Variants in EPM2A observed in about 807,000 individuals in gnomAD.
EPM2A encodes the protein EPM2A glucan phosphatase, laforin.
Under a neutral mutation model 26.5 loss-of-function variants are expected in EPM2A, and 21 were observed. The observed-to-expected ratio is 0.79, with a 90% CI of 0.56 to 1.14. The LOEUF (loss-of-function observed/expected upper bound fraction) is 1.14. Among genes scored for constraint, EPM2A ranks in the 50% most tolerant of loss-of-function variants. EPM2A has a pLI of 0.00. For synonymous variants in EPM2A, 217 were observed against 177.6 expected (o/e 1.22, Z -1.76); for missense variants, 458 against 440.8 (o/e 1.04, Z -0.35).
chr6:145,660,720 T>G (rs1778636790), intron 2 of EPM2A, among the ~76,000 whole-genome samples: 1 of 152,126 alleles, frequency 6.6e-6, no homozygotes, highest in Admixed American at 6.5e-5. Flanking sequence ...GAGAATCGCT[T>G]GAACCCAGGA....
chr6:145,421,232 T>C (rs1778777199), intron 4 of EPM2A, among the ~76,000 whole-genome samples: 1 of 152,140 alleles, frequency 6.6e-6, no homozygotes, highest in African/African-American at 2.4e-5. Flanking sequence ...AAATAGACAG[T>C]GAAGGACTAA....
chr6:145,692,599 G>A (rs1781344951), intron 1 of EPM2A, among the ~76,000 whole-genome samples: 1 of 152,004 alleles, frequency 6.6e-6, no homozygotes, highest in Admixed American at 6.6e-5. Context: ...TTTTGTATAT[G>A]GTATATGGAA....
chr6:145,725,685 A>AT (rs1036106933), intron 1 of EPM2A, among the ~76,000 whole-genome samples: 1 of 152,090 alleles, frequency 6.6e-6, no homozygotes, highest in African/African-American at 2.4e-5. Flanking sequence ...ACACTGTACG[A>AT]TTCTAATTAT....
chr6:145,580,946 C>G (rs979266923), intron 2 of EPM2A, among the ~76,000 whole-genome samples: 2 of 152,074 alleles, frequency 1.3e-5, no homozygotes, highest in African/African-American at 4.8e-5. Flanking sequence ...GATTCCATGT[C>G]TTTGCTTTTT....
chr6:145,627,480 G>A lies in EPM2A; in HGVS notation c.932C>T (p.Ala311Val). Reference protein sequence around the residue: ...PAVYIDEEALARAQEDFFQKF... With the variant: ...PAVYIDEEALVRAQEDFFQKF... The stretch of plus-strand genomic sequence containing the variant: ...CTGGAAAAAATCTTCTTGTGCCCGG[G>A]CCAAGGCCTCTTCGTCAATGTAGAC... Residue 311 changes from alanine to valine, a missense_variant, in exon 4 of 4, where the codon GCC (alanine) becomes GTC (valine). Coordinates refer to ENST00000367519, the MANE Select transcript of EPM2A (RefSeq NM_005670.4). The A allele has an allele frequency of 1.2e-6, 2 of 1,614,256 alleles. No homozygotes were observed. The highest frequency in any genetic ancestry group is 1.7e-6 in the Non-Finnish European group (2 of 1,180,040).
At chr6:145,425,113 T>TATCCCTTCCTTC in intron 4 of EPM2A, among the ~76,000 whole-genome samples, 1 of 58,438 alleles carries the variant, frequency 1.7e-5, no homozygotes, top group Non-Finnish European at 4.7e-5. Flanking sequence ...TGGATGTAAG[T>TATCCCTTCCTTC]CTCCCTTCCT....
At chr6:145,398,439 C>T (rs1337142885) in intron 4 of EPM2A, among the ~76,000 whole-genome samples, 1 of 151,562 alleles carries the variant, frequency 6.6e-6, no homozygotes, top group Non-Finnish European at 1.5e-5. Context: ...TGTAATTGTC[C>T]CTTTATGTCA....
intron 2 of EPM2A, among the ~76,000 whole-genome samples, chr6:145,661,843 C>T (rs117252997): frequency 5.9e-5 from 9 of 152,228 alleles, no homozygotes; most frequent in African/African-American, 9.6e-5. Flanking sequence ...TTGATCAATA[C>T]GTGTGATCAC....
downstream of EPM2A, among the ~76,000 whole-genome samples, chr6:145,623,661 A>T (rs1359027902): frequency 6.6e-6 from 1 of 152,110 alleles, no homozygotes; most frequent in Non-Finnish European, 1.5e-5. Flanking sequence ...ACAAGGCCTG[A>T]GTTACATTTT....
At chr6:145,418,467 G>T (rs563924731) in intron 4 of EPM2A, among the ~76,000 whole-genome samples, 1 of 152,266 alleles carries the variant, frequency 6.6e-6, no homozygotes, top group East Asian at 1.9e-4. Context: ...TGTGACCACT[G>T]CCCAGCCATC....
intron 2 of EPM2A, among the ~76,000 whole-genome samples, chr6:145,505,309 AG>A (rs1257684172): frequency 6.6e-6 from 1 of 152,168 alleles, no homozygotes; most frequent in Non-Finnish European, 1.5e-5. Context: ...AATAGTACAT[AG>A]AATTTCTGTA....
At chr6:145,511,404 C>T (rs529670912) in intron 2 of EPM2A, among the ~76,000 whole-genome samples, 3 of 152,200 alleles carry the variant, frequency 2.0e-5, no homozygotes, top group East Asian at 1.9e-4. Context: ...AAATAATTCG[C>T]CATCATCAAG....
chr6:145,597,178 G>A (rs1273539628), intron 2 of EPM2A, among the ~76,000 whole-genome samples: 1 of 151,500 alleles, frequency 6.6e-6, no homozygotes, highest in African/African-American at 2.4e-5. Flanking sequence ...ACAGGCGTGA[G>A]CCACCGCGCC....
chr6:145,612,271 C>T (rs551979331), intron 2 of EPM2A, among the ~76,000 whole-genome samples: 5 of 151,930 alleles, frequency 3.3e-5, no homozygotes, highest in Non-Finnish European at 1.5e-5. Flanking sequence ...TATAATGGAT[C>T]AAACAATATT....
intron 1 of EPM2A, among the ~76,000 whole-genome samples, chr6:145,689,460 T>C (rs1324916207): frequency 6.6e-6 from 1 of 152,190 alleles, no homozygotes; most frequent in Non-Finnish European, 1.5e-5. Flanking sequence ...AGACAGACTA[T>C]CCAGGGACAC....
At chr6:145,507,416 G>A (rs1779991443) in intron 2 of EPM2A, among the ~76,000 whole-genome samples, 1 of 152,194 alleles carries the variant, frequency 6.6e-6, no homozygotes. Context: ...AAGGTGTGTG[G>A]GAGGGGCAGT....
chr6:145,620,812 T>C (rs1256193602), downstream of EPM2A, among the ~76,000 whole-genome samples: 1 of 152,190 alleles, frequency 6.6e-6, no homozygotes, highest in Non-Finnish European at 1.5e-5. Flanking sequence ...TAACAGCAAT[T>C]TTTTCAGCCT....
chr6:145,567,317 T>C (rs936406102), intron 2 of EPM2A, among the ~76,000 whole-genome samples: 1 of 152,228 alleles, frequency 6.6e-6, no homozygotes, highest in African/African-American at 2.4e-5. Flanking sequence ...CTTCCATATT[T>C]TTTATACTGT....
chr6:145,567,860 A>T (rs1780904541), intron 2 of EPM2A, among the ~76,000 whole-genome samples: 1 of 152,300 alleles, frequency 6.6e-6, no homozygotes, highest in African/African-American at 2.4e-5. Context: ...GTCTTTGTGC[A>T]GTGCCTAGAA....
Sources: gnomAD v4.1 joint callset for allele counts (sites outside exome capture counted in the v4.1 genomes callset) on GRCh38, gnomAD v4.1.1 for gene constraint, MANE v1.5 for transcripts, NCBI Gene and HGNC (gene_info 2026-07-23, HGNC 2026-07-21) for gene names.